The following SLF1 variants were observed in gnomAD, a reference collection of about 807,000 sequenced individuals.
SLF1 encodes SMC5/6 complex localization factor 1.
Under a neutral mutation model 123.0 loss-of-function variants are expected in SLF1, and 105 were observed. The ratio of observed to expected loss-of-function variants is 0.85; its 90% CI spans 0.73 to 1.00. The LOEUF (loss-of-function observed/expected upper bound fraction) is 1.00. SLF1 is among the 50% of genes least tolerant of loss of function. The probability of loss-of-function intolerance (pLI) is 0.00; values close to 1 mark genes in which losing one functional copy is unlikely to be tolerated. For missense variants in SLF1, 1,239 were observed against 1,223.0 expected (o/e 1.01, Z -0.20); for synonymous variants, 434 against 406.6 (o/e 1.07, Z -0.81).
chr5:94,630,868 C>T, intron 4 of SLF1, 125 bp downstream of exon 4: 1 of 1,025,238 alleles, frequency 9.8e-7, no homozygotes, highest in Non-Finnish European at 1.4e-6. Flanking sequence ...CTCCAATCTC[C>T]TAGGTAAGCC....
chr5:94,661,702 A>G (rs1749140317), intron 9 of SLF1, among the ~76,000 whole-genome samples: 1 of 151,916 alleles, frequency 6.6e-6, no homozygotes, highest in Non-Finnish European at 1.5e-5. Flanking sequence ...ACGCCTGGCT[A>G]ATTTTTGTAT....
chr5:94,691,791 C>A, intron 19 of SLF1, 135 bp downstream of exon 19: 1 of 740,084 alleles, frequency 1.4e-6, no homozygotes, highest in African/African-American at 1.8e-5. Context: ...AATTTCTTAG[C>A]AAAGCCAAGA....
intron 17 of SLF1, 114 bp from the exon 18 acceptor site, chr5:94,689,359 G>A: frequency 1.9e-6 from 2 of 1,074,358 alleles, no homozygotes; most frequent in Non-Finnish European, 2.6e-6. Context: ...AAGATTGAAT[G>A]AGTAAGGGAG....
chr5:94,676,219 A>G (rs1159169600), intron 14 of SLF1, among the ~76,000 whole-genome samples: 1 of 152,198 alleles, frequency 6.6e-6, no homozygotes, highest in East Asian at 1.9e-4. Flanking sequence ...GTTTAAATAT[A>G]TATTTTCACT....
chr5:94,654,800 T>C, intron 9 of SLF1, 48 bp downstream of exon 9: 1 of 1,364,860 alleles, frequency 7.3e-7, no homozygotes, highest in Non-Finnish European at 9.6e-7. Flanking sequence ...TGTCTTACTG[T>C]AGTGTATTCA....
At chr5:94,691,414 A>C in intron 18 of SLF1, 150 bp from the exon 19 acceptor site, 1 of 206,272 alleles carries the variant, frequency 4.8e-6, no homozygotes, top group South Asian at 5.6e-5. Flanking sequence ...CCGCCTTTTT[A>C]AATGCAGGGG....
intron 15 of SLF1, among the ~76,000 whole-genome samples, chr5:94,679,618 A>C (rs1751529905): frequency 6.6e-6 from 1 of 151,964 alleles, no homozygotes; most frequent in South Asian, 2.1e-4. Flanking sequence ...AACAAAAAAA[A>C]CTTGCTACTA....
chr5:94,673,414 C>A (rs969396751), intron 14 of SLF1, among the ~76,000 whole-genome samples: 5 of 151,934 alleles, frequency 3.3e-5, no homozygotes, highest in African/African-American at 1.2e-4. Flanking sequence ...GTGGTTCCTG[C>A]CTGTAATCCC....
chr5:94,626,027 G>A (rs1238260134), intron 1 of SLF1, among the ~76,000 whole-genome samples: 2 of 151,972 alleles, frequency 1.3e-5, no homozygotes, highest in Non-Finnish European at 2.9e-5. Context: ...GCCGAGGCAG[G>A]CAGATCACAA....
rs1448274298 is a variant in SLF1, at chr5:94,632,049, A to T, written c.431+1306A>T. ...CTAGTCCTAGCCACTTGGGAGGCTG[A>T]GGTGGGAAGATAGCCTAGAGCCCAG... On this transcript the variant is annotated intron_variant, in intron 4 of 20. Coordinates refer to ENST00000265140, the MANE Select transcript of SLF1 (RefSeq NM_032290.4). Among the ~76,000 whole-genome samples the T allele has an allele frequency of 2.0e-5, 3 of 146,830 alleles. No homozygotes were observed. In the Admixed American group the frequency reaches 2.1e-4, roughly 10 times the overall value.
At chr5:94,630,471 C>A (rs752171490) in intron 3 of SLF1, 32 bp from the exon 4 acceptor site, 1 of 1,524,846 alleles carries the variant, frequency 6.6e-7, no homozygotes, top group Non-Finnish European at 8.8e-7. Context: ...AACCAAAATT[C>A]CTTTGTGACT....
At chr5:94,655,773 C>G (rs1392992734) in intron 9 of SLF1, among the ~76,000 whole-genome samples, 1 of 151,894 alleles carries the variant, frequency 6.6e-6, no homozygotes, top group Non-Finnish European at 1.5e-5. Flanking sequence ...TATAGAAATG[C>G]TACTGATTTT....
intron 15 of SLF1, among the ~76,000 whole-genome samples, chr5:94,686,036 C>G (rs1752391056): frequency 6.6e-6 from 1 of 151,822 alleles, no homozygotes; most frequent in African/African-American, 2.4e-5. Context: ...TGCGTTTCTT[C>G]TTGTTTCATG....
At chr5:94,670,381 T>G (rs1423147558) in intron 13 of SLF1, 102 bp downstream of exon 13, 2 of 960,242 alleles carry the variant, frequency 2.1e-6, no homozygotes, top group African/African-American at 3.5e-5. Flanking sequence ...AAAAGTCACC[T>G]TATTTTCTAT....
At chr5:94,653,788 A>G in intron 8 of SLF1, among the ~76,000 whole-genome samples, 1 of 151,930 alleles carries the variant, frequency 6.6e-6, no homozygotes, top group East Asian at 1.9e-4. Flanking sequence ...AGTACAGACC[A>G]TTTTTAATGA....
intron 14 of SLF1, among the ~76,000 whole-genome samples, chr5:94,673,953 G>C (rs1750765534): frequency 6.6e-6 from 1 of 151,760 alleles, no homozygotes; most frequent in African/African-American, 2.4e-5. Flanking sequence ...ACTGTTTTGT[G>C]CATGTATCTG....
intron 12 of SLF1, among the ~76,000 whole-genome samples, chr5:94,669,701 C>T (rs1460831312): frequency 4.8e-5 from 5 of 103,206 alleles, no homozygotes; most frequent in African/African-American, 2.1e-4. Context: ...ATATTAAAAA[C>T]GCTAAAAAAG....
rs1181387600 is a variant in SLF1, at chr5:94,630,738, TATAAG to T, written c.427_431del (p.Ile143SerfsTer26). The T allele has an allele frequency of 7.7e-6, 12 of 1,550,946 alleles. No homozygotes were observed. Among genetic ancestry groups the T allele is most frequent in the Non-Finnish European group, 5.2e-6 (6 of 1,146,476 alleles). The stretch of plus-strand genomic sequence containing the variant: ...GAACTGATAAGCGAAGTGATTCTCT[TATAAG>T]GTAGGATGTGATTACATAAAAGCTA... On this transcript the variant is annotated frameshift_variant and splice_region_variant, in exon 4 of 21. Coordinates refer to ENST00000265140, the MANE Select transcript of SLF1 (RefSeq NM_032290.4). LOFTEE classifies it high-confidence loss of function.
chr5:94,664,926 T>G (rs1347544166), intron 11 of SLF1, among the ~76,000 whole-genome samples: 4 of 152,158 alleles, frequency 2.6e-5, no homozygotes. Context: ...ATACGAAGGT[T>G]TTACATCCTG....
Sources: allele counts gnomAD v4.1 joint callset (sites outside exome capture counted in the v4.1 genomes callset), GRCh38; gene constraint gnomAD v4.1.1; transcripts MANE v1.5; gene names NCBI Gene and HGNC (gene_info 2026-07-23, HGNC 2026-07-21).